The following NF2 variants were observed in gnomAD, a reference collection of about 807,000 sequenced individuals.
NF2 encodes the protein NF2, moesin-ezrin-radixin like (MERLIN) tumor suppressor.
NF2 carries 8 observed loss-of-function variants against 83.7 expected under a neutral mutation model. That is an observed-to-expected ratio of 0.10 (90% CI 0.06 to 0.17). NF2 has a LOEUF of 0.17. Ranked by LOEUF, NF2 falls within the 10% of genes least tolerant of loss-of-function variation. The pLI is 1.00. For synonymous variants in NF2, 266 were observed against 269.6 expected (o/e 0.99, Z 0.13); for missense variants, 533 against 744.4 (o/e 0.72, Z 3.31).
intron 1 of NF2, among the ~76,000 whole-genome samples, chr22:29,612,493 T>G (rs79161675): frequency 1.3e-5 from 2 of 151,540 alleles, no homozygotes; most frequent in South Asian, 4.2e-4. Flanking sequence ...TAGCTTTTTT[T>G]TTTTGTTTGT....
intron 14 of NF2, among the ~76,000 whole-genome samples, chr22:29,679,453 C>A (rs972674673): frequency 6.6e-6 from 1 of 152,152 alleles, no homozygotes; most frequent in Non-Finnish European, 1.5e-5. Flanking sequence ...GGTTGGGATC[C>A]GGGATCAGGG....
In NF2 at chr22:29,694,629, A is replaced by G. The variant is rs1005435213; in HGVS notation, c.1738-123A>G. ...CTGACAGCCAACTTCTTGAGCATCT[A>G]TTTGAACAGCCTTCCCTTTCGCTCC... On this transcript the variant is annotated intron_variant, in intron 15 of 15. Coordinates refer to ENST00000338641, the MANE Select transcript of NF2 (RefSeq NM_000268.4). The surrounding 1 kb of genome is among the most constrained non-coding windows in gnomAD (Gnocchi z 4.1). 1.3e-5 allele frequency: 13 copies of G among 974,292 alleles called. No individual in the cohort carries two copies. The highest frequency in any genetic ancestry group is 2.0e-4 in the Middle Eastern group (1 of 4,890). The allele number at this position is 974,292 out of a possible 1,614,324, so 60.4% of individuals were successfully genotyped here. A position where few individuals can be genotyped will look rare whatever the true frequency, so the allele number is the denominator to read the frequency against.
chr22:29,644,694 G>C (rs955490278), intron 4 of NF2, among the ~76,000 whole-genome samples: 1 of 152,186 alleles, frequency 6.6e-6, no homozygotes, highest in Non-Finnish European at 1.5e-5. Context: ...CGAGGCTGGC[G>C]GATCACTCGC....
chr22:29,624,799 CTCTTTCTTTCTTTCTTTCTTTCTTTCTT>C (rs57743070), intron 1 of NF2, among the ~76,000 whole-genome samples: 2,661 of 116,720 alleles, frequency 0.023, 38 homozygotes, highest in Non-Finnish European at 0.031. Context: ...TTGAAGGGTC[CTCTTTCTTTCTTTCTTTCTTTCTTTCTT>C]TCTTTCTTTC....
rs770827220 is a variant in NF2 at position 29,671,817 on chromosome 22, C to T, written c.1000-9C>T. The T allele has an allele frequency of 6.2e-7, 1 of 1,613,896 alleles. No individual in the cohort carries two copies. The highest frequency in any genetic ancestry group is 1.1e-5 in the South Asian group (1 of 91,054). On this transcript the variant is annotated splice_polypyrimidine_tract_variant and intron_variant, in intron 10 of 15. Coordinates refer to ENST00000338641, the MANE Select transcript of NF2 (RefSeq NM_000268.4). ...TGATTCAATGACTGTTTTTCTTCAC[C>T]CCTCGCAGATGGAGCGGCAGCGCCT...
intron 4 of NF2, among the ~76,000 whole-genome samples, chr22:29,643,782 G>T (rs2065883765): frequency 1.3e-5 from 2 of 152,168 alleles, no homozygotes; most frequent in Non-Finnish European, 2.9e-5. Context: ...TGTCATCCTG[G>T]CCCGTTCTCA....
chr22:29,624,839 TTC>T (rs1419894549), intron 1 of NF2, among the ~76,000 whole-genome samples: 1 of 148,540 alleles, frequency 6.7e-6, no homozygotes, highest in East Asian at 2.0e-4. Flanking sequence ...CTTTCTTTCT[TTC>T]TTTCTTTCTT....
chr22:29,614,181 C>T (rs922503321), intron 1 of NF2, among the ~76,000 whole-genome samples: 2 of 151,864 alleles, frequency 1.3e-5, no homozygotes, highest in Non-Finnish European at 2.9e-5. Flanking sequence ...CGGTGGCTCA[C>T]ACCTGTAATC....
At chr22:29,614,785 C>T (rs1210340126) in intron 1 of NF2, among the ~76,000 whole-genome samples, 1 of 152,020 alleles carries the variant, frequency 6.6e-6, no homozygotes, top group African/African-American at 2.4e-5. Flanking sequence ...AGGTGGCTCA[C>T]CCCAGTAATC....
chr22:29,683,915 A>G, intron 15 of NF2: 1 of 1,037,632 alleles, frequency 9.6e-7, no homozygotes. Flanking sequence ...TCCTGCCTCT[A>G]CTTCTCACCT....
intron 15 of NF2, among the ~76,000 whole-genome samples, chr22:29,689,197 A>AG (rs1412387591): frequency 6.6e-6 from 1 of 150,892 alleles, no homozygotes; most frequent in Non-Finnish European, 1.5e-5. Context: ...AAAAAAAAAA[A>AG]AAAGAGAAAG....
intron 1 of NF2, among the ~76,000 whole-genome samples, chr22:29,616,341 A>T (rs544389903): frequency 2.0e-5 from 3 of 152,240 alleles, no homozygotes; most frequent in East Asian, 3.9e-4. Flanking sequence ...CAAGATGTTT[A>T]AAAAAAACCT....
chr22:29,674,427 C>T (rs369247809), intron 12 of NF2, among the ~76,000 whole-genome samples: 26 of 152,330 alleles, frequency 1.7e-4, no homozygotes, highest in South Asian at 1.0e-3. Flanking sequence ...GCTGTGAAGA[C>T]GCAGTTCTTG....
At chr22:29,679,422 T>A (rs538656370) in intron 14 of NF2, among the ~76,000 whole-genome samples, 1 of 152,376 alleles carries the variant, frequency 6.6e-6, no homozygotes, top group African/African-American at 2.4e-5. Context: ...TTCACCATTA[T>A]CCAGACATAT....
Position 29,636,649 on chromosome 22 carries a change from G to A in NF2, c.115-102G>A, listed in dbSNP as rs2146849663. 2 of 1,483,120 alleles carry A rather than the reference G, an allele frequency of 1.3e-6. No homozygotes were observed. The highest frequency in any genetic ancestry group is 1.1e-5 in the South Asian group (1 of 88,012). 91.9% of individuals were successfully genotyped at this position (1,483,120 alleles called of 1,614,324 possible). A position where few individuals can be genotyped will look rare whatever the true frequency, so the allele number is the denominator to read the frequency against. On this transcript the variant is annotated intron_variant, in intron 1 of 15. Transcript: ENST00000338641. This position sits in a 1 kb window ranked among gnomAD's most constrained non-coding sequence, Gnocchi z 4.4. ...TTCAGTCCTCATCAGCTGTCTTAGT[G>A]TCATCCCCACGTTTTGGAACCTGAG... is the stretch of plus-strand genomic sequence containing the variant.
chr22:29,638,114 G>A (rs1403147107), intron 2 of NF2, among the ~76,000 whole-genome samples: 4 of 152,162 alleles, frequency 2.6e-5, no homozygotes, highest in East Asian at 3.8e-4. Context: ...GTCACATGGC[G>A]TGTTTATGTC....
chr22:29,668,292 T>C, intron 9 of NF2, 41 bp from the exon 10 acceptor site: 2 of 1,484,668 alleles, frequency 1.3e-6, no homozygotes, highest in Non-Finnish European at 1.9e-6. Flanking sequence ...GTGAAGTAAA[T>C]TTGTGGATAT....
rs1325119842 is a variant in NF2, at chr22:29,671,931, A to G, written c.1105A>G (p.Met369Val). 1.2e-6 allele frequency: 2 copies of G among 1,614,232 alleles called. No homozygotes were observed. Among genetic ancestry groups the G allele is most frequent in the Non-Finnish European group, 8.5e-7 (1 of 1,180,032 alleles). ...RLLQMKEEAT[M>V]ANEALMRSEE... is the part of the protein sequence containing the mutation. The stretch of plus-strand genomic sequence containing the variant: ...GCTGCAGATGAAAGAAGAAGCAACA[A>G]TGGCCAACGAAGCACTGGTGATTTC... The change falls in exon 11 of 16, where the codon ATG (methionine) becomes GTG (valine). Residue 369 changes from methionine to valine, a missense_variant. By Grantham distance (21) the Met-to-Val change is conservative (BLOSUM62 1). This residue lies in a region of NF2 where 326 missense variants were observed against 475.1 expected (regional missense o/e 0.69). Coordinates refer to ENST00000338641, the MANE Select transcript of NF2 (RefSeq NM_000268.4).
intron 8 of NF2, among the ~76,000 whole-genome samples, chr22:29,662,120 A>G (rs1472365027): frequency 6.6e-6 from 1 of 151,936 alleles, no homozygotes; most frequent in Admixed American, 6.6e-5. Flanking sequence ...TTCATTCTTC[A>G]TTCATTTTAT....
Sources: gnomAD v4.1 joint callset for allele counts (sites outside exome capture counted in the v4.1 genomes callset) on GRCh38, gnomAD v4.1.1 for gene constraint, gnomAD v4.1.1 regional missense constraint, Gnocchi (gnomAD v3.1) non-coding constraint, MANE v1.5 for transcripts, NCBI Gene and HGNC (gene_info 2026-07-23, HGNC 2026-07-21) for gene names.